The following ACSBG1 variants were observed in gnomAD, a reference collection of about 807,000 sequenced individuals.
ACSBG1 encodes the protein long-chain-fatty-acid--CoA ligase ACSBG1.
ACSBG1 carries 39 observed loss-of-function variants against 80.2 expected under a neutral mutation model. That is an observed-to-expected ratio of 0.49 (90% CI 0.38 to 0.64). ACSBG1 has a LOEUF of 0.64. Ranked by LOEUF, ACSBG1 falls within the 30% of genes least tolerant of loss-of-function variation. The pLI, the probability that ACSBG1 is intolerant of heterozygous loss-of-function variation, is 0.00. For missense variants in ACSBG1, 828 were observed against 966.4 expected, an observed-to-expected ratio of 0.86 and a Z score of 1.90; for synonymous variants, 392 against 379.5, an observed-to-expected ratio of 1.03 and a Z score of -0.38.
intron 1 of ACSBG1, among the ~76,000 whole-genome samples, chr15:78,231,279 CCTGG>C (rs1402139068): frequency 7.2e-6 from 1 of 139,090 alleles, no homozygotes; most frequent in Non-Finnish European, 1.6e-5. Context: ...CGCCACCACG[CCTGG>C]CTAATTTTTT....
chr15:78,181,821 G>C, intron 8 of ACSBG1, 148 bp downstream of exon 8: 3 of 1,080,716 alleles, frequency 2.8e-6, no homozygotes, highest in Non-Finnish European at 2.6e-6. Flanking sequence ...GGTCATTCGA[G>C]TCAGGCTGTG....
rs1319570149 is a variant in ACSBG1 at position 78,187,317 on chromosome 15, C to A, written c.664-4532G>T. ...GAAAAAGAGGGAATCCTCCCTAACT[C>A]ATTTTATGAGGCCAGCATCATCCTG... On this transcript the variant is annotated intron_variant, in intron 5 of 13. Coordinates refer to ENST00000258873, the MANE Select transcript of ACSBG1 (RefSeq NM_015162.5). Among the ~76,000 whole-genome samples the A allele has an allele frequency of 3.3e-5, 5 of 152,318 alleles. No homozygotes were observed. The East Asian group carries it at 9.6e-4, about 29-fold the overall frequency.
At chr15:78,182,196 G>C (rs987934187) in intron 7 of ACSBG1, 51 bp from the exon 8 acceptor site, 1 of 1,581,478 alleles carries the variant, frequency 6.3e-7, no homozygotes, top group African/African-American at 1.3e-5. Context: ...CAGCCCTGGC[G>C]GTGCTCACAA....
chr15:78,210,092 T>C (rs1201229879), intron 1 of ACSBG1, among the ~76,000 whole-genome samples: 3 of 152,306 alleles, frequency 2.0e-5, no homozygotes, highest in Non-Finnish European at 1.5e-5. Context: ...TGGCAGCACC[T>C]TCTTGCTGCG....
At position 78,179,570 on chromosome 15, in the gene ACSBG1, G is replaced by A. The variant is rs2074919265; in HGVS notation, c.1464C>T (p.Pro488=). 6.2e-7 allele frequency: 1 copy of A among 1,613,572 alleles called. No individual in the cohort carries two copies. The highest frequency in any genetic ancestry group is 8.5e-7 in the Non-Finnish European group (1 of 1,179,510). ...CTCACCTGTACAGCCGGTAGTTGTAGGGACTGGACATGAAGTGGGGGCCTG... is the reference window on the plus strand; with the variant it reads ...CTCACCTGTACAGCCGGTAGTTGTAAGGACTGGACATGAAGTGGGGGCCTG... ...ETSGPHFMSS[P]YNYRLYSSGK... is the part of the protein sequence containing the mutation. Residue 488 remains proline (P), a synonymous_variant, in exon 10 of 14, where the codon CCC becomes CCT. Transcript: ENST00000258873.
At position 78,173,767 on chromosome 15, in the gene ACSBG1, C is replaced by T. The variant is rs750374071; in HGVS notation, c.1915G>A (p.Val639Met). The T allele has an allele frequency of 1.2e-6, 2 of 1,614,076 alleles. No homozygotes were observed. The highest frequency in any genetic ancestry group is 2.7e-5 in the African/African-American group (2 of 74,912). The change falls in exon 13 of 14, where the codon GTG (valine) becomes ATG (methionine). Residue 639 changes from valine (V) to methionine (M), a missense_variant. Around this residue, in one of 3 missense-constraint regions of ACSBG1, gnomAD observed 201 missense variants for 227.0 expected, o/e 0.89. Transcript: ENST00000258873. ...TEQAMEFCQR[V>M]GSRATTVSEI... ...GACACTGTGGTGGCTCTGCTGCCCA[C>T]CCTCTGGCAGAACTCCATAGCTTGT...
At chr15:78,214,226 C>G (rs1475534692) in intron 1 of ACSBG1, among the ~76,000 whole-genome samples, 2 of 152,238 alleles carry the variant, frequency 1.3e-5, no homozygotes, top group Admixed American at 1.3e-4. Context: ...CATTTTCCTG[C>G]TTCCTGGAGT....
intron 1 of ACSBG1, among the ~76,000 whole-genome samples, chr15:78,226,985 C>T (rs1026496790): frequency 1.3e-5 from 2 of 150,382 alleles, no homozygotes; most frequent in African/African-American, 2.4e-5. Context: ...TCTGGGAGGC[C>T]GAGGAGGGCA....
Position 78,178,466 on chromosome 15 carries a change from T to G in ACSBG1, c.1702+148A>C. On this transcript the variant is annotated intron_variant, in intron 11 of 13. Coordinates refer to ENST00000258873, the MANE Select transcript of ACSBG1 (RefSeq NM_015162.5). This position sits in a 1 kb window ranked among gnomAD's most constrained non-coding sequence, Gnocchi z 4.3. Reference sequence around the variant, plus strand: ...GGTGCATGCCACCACGCCCAGCTAATTTTTCGTGTGTTTTTAGTAGAGATG... The same window carrying G: ...GGTGCATGCCACCACGCCCAGCTAAGTTTTCGTGTGTTTTTAGTAGAGATG... 1.2e-6 allele frequency: 1 copy of G among 859,566 alleles called. No individual in the cohort carries two copies. 53.2% of individuals were successfully genotyped at this position (859,566 alleles called of 1,614,324 possible).
At chr15:78,193,817 A>G in intron 4 of ACSBG1, 115 bp downstream of exon 4, 2 of 1,446,276 alleles carry the variant, frequency 1.4e-6, no homozygotes, top group Non-Finnish European at 1.9e-6. Context: ...GGCCCCAGGG[A>G]GGAGGCAGGA....
chr15:78,224,362 G>T (rs2075383302), intron 1 of ACSBG1, among the ~76,000 whole-genome samples: 2 of 152,172 alleles, frequency 1.3e-5, no homozygotes, highest in South Asian at 2.1e-4. Flanking sequence ...CTACATTTTT[G>T]AATGATTTGT....
At chr15:78,228,614 G>A (rs910955167) in intron 1 of ACSBG1, among the ~76,000 whole-genome samples, 6 of 152,170 alleles carry the variant, frequency 3.9e-5, no homozygotes, top group African/African-American at 7.2e-5. Context: ...ATCCAGATCC[G>A]TACTCAGAAG....
At chr15:78,203,188 T>G (rs146231300) in intron 2 of ACSBG1, among the ~76,000 whole-genome samples, 1 of 152,050 alleles carries the variant, frequency 6.6e-6, no homozygotes, top group African/African-American at 2.4e-5. Flanking sequence ...GGCACAACCA[T>G]CAGCTCTGTC....
chr15:78,205,329 T>C (rs994354932), intron 2 of ACSBG1, among the ~76,000 whole-genome samples: 40 of 152,102 alleles, frequency 2.6e-4, no homozygotes, highest in African/African-American at 9.6e-4. Context: ...TTTTGGGACC[T>C]CAAAGAGATC....
chr15:78,224,707 C>A (rs570994208), intron 1 of ACSBG1, among the ~76,000 whole-genome samples: 2 of 149,760 alleles, frequency 1.3e-5, no homozygotes, highest in African/African-American at 2.5e-5. Flanking sequence ...GGCGACAGAG[C>A]GAGACTCCGC....
intron 1 of ACSBG1, 56 bp downstream of exon 1, chr15:78,234,315 A>C (rs2075474905): frequency 6.3e-7 from 1 of 1,585,886 alleles, no homozygotes; most frequent in Admixed American, 1.7e-5. Context: ...ACAGCAGAGC[A>C]AAGTCTAGAA....
intron 1 of ACSBG1, among the ~76,000 whole-genome samples, chr15:78,216,393 A>G (rs1052196536): frequency 2.6e-5 from 4 of 152,130 alleles, no homozygotes; most frequent in Admixed American, 1.3e-4. Flanking sequence ...GGCAAGGAGT[A>G]AAGGTCTGAT....
At chr15:78,223,382 C>G (rs2075374688) in intron 1 of ACSBG1, among the ~76,000 whole-genome samples, 1 of 152,100 alleles carries the variant, frequency 6.6e-6, no homozygotes, top group Admixed American at 6.5e-5. Context: ...CACCATGGCA[C>G]ACATTTACCT....
rs1410220314 is a variant in ACSBG1 at position 78,170,940 on chromosome 15, T to A, written c.*504A>T. On this transcript the variant is annotated 3_prime_UTR_variant, in exon 14 of 14. Transcript: ENST00000258873. ...TTATTAAGCATCAAGTCAGTTGGCA[T>A]GTGGGTGGCGGAGTGCCTGGTAATG... 2 of 153,092 alleles carry A rather than the reference T, an allele frequency of 1.3e-5. No individual in the cohort carries two copies. Among genetic ancestry groups the A allele is most frequent in the African/African-American group, 4.8e-5 (2 of 41,474 alleles). 9.5% of individuals were successfully genotyped at this position (153,092 alleles called of 1,614,324 possible).
Sources: allele counts gnomAD v4.1 joint callset (sites outside exome capture counted in the v4.1 genomes callset), GRCh38; gene constraint gnomAD v4.1.1; regional missense constraint gnomAD v4.1.1; non-coding constraint Gnocchi (gnomAD v3.1); transcripts MANE v1.5; gene names NCBI Gene and HGNC (gene_info 2026-07-23, HGNC 2026-07-21).